Variants in NF1 observed in about 807,000 individuals in gnomAD.
The protein encoded by NF1 is neurofibromin.
A neutral mutation model predicts 325.7 loss-of-function variants in NF1; 122 were observed. The ratio of observed to expected loss-of-function variants is 0.37; its 90% CI spans 0.32 to 0.44. NF1 has a LOEUF of 0.44. Among genes scored for constraint, NF1 ranks in the 20% least tolerant of loss-of-function variants. The pLI is 1.00. For missense variants in NF1, 2,140 were observed against 3,415.4 expected (o/e 0.63, Z 9.31); for synonymous variants, 1,091 against 1,186.0 (o/e 0.92, Z 1.65).
chr17:31,201,578 A>G, intron 11 of NF1, 93 bp downstream of exon 11: 1 of 925,000 alleles, frequency 1.1e-6, no homozygotes, highest in Non-Finnish European at 1.8e-6. Flanking sequence ...CTTGGTTTTC[A>G]AAAAGGTTCT....
chr17:31,232,595 C>A, intron 25 of NF1, 105 bp from the exon 26 acceptor site: 1 of 1,094,432 alleles, frequency 9.1e-7, no homozygotes, highest in Non-Finnish European at 1.4e-6. Flanking sequence ...AACAGTTAAC[C>A]CAGGGCCATT....
chr17:31,244,697 G>A (rs565479026), intron 29 of NF1, among the ~76,000 whole-genome samples: 1 of 152,238 alleles, frequency 6.6e-6, no homozygotes, highest in South Asian at 2.1e-4. Flanking sequence ...GTGAAGGAAG[G>A]GTGGTATAGG....
intron 1 of NF1, among the ~76,000 whole-genome samples, chr17:31,111,727 A>G (rs761204237): frequency 2.0e-5 from 3 of 152,226 alleles, no homozygotes; most frequent in Non-Finnish European, 4.4e-5. Context: ...TATGACCAGC[A>G]GACCTGCACT....
chr17:31,115,700 T>G (rs1913839794), intron 1 of NF1, among the ~76,000 whole-genome samples: 2 of 152,156 alleles, frequency 1.3e-5, no homozygotes. Flanking sequence ...TAACCCTTTT[T>G]CTGTGAAATG....
chr17:31,325,563 T>C (rs2069319681), intron 36 of NF1, among the ~76,000 whole-genome samples: 1 of 152,224 alleles, frequency 6.6e-6, no homozygotes, highest in Non-Finnish European at 1.5e-5. Context: ...ACTGTTTTCT[T>C]CCTTTCTTGA....
At chr17:31,196,496 T>C (rs2143852711) in intron 8 of NF1, among the ~76,000 whole-genome samples, 1 of 152,350 alleles carries the variant, frequency 6.6e-6, no homozygotes, top group South Asian at 2.1e-4. Flanking sequence ...TTGTTTCATC[T>C]TCTTGATAGT....
intron 8 of NF1, among the ~76,000 whole-genome samples, chr17:31,184,124 C>A (rs1426789299): frequency 6.6e-6 from 1 of 152,034 alleles, no homozygotes. Flanking sequence ...TGATTAGACC[C>A]TAAAATATTA....
intron 33 of NF1, 80 bp from the exon 34 acceptor site, chr17:31,260,289 T>TTA: frequency 7.0e-7 from 1 of 1,432,988 alleles, no homozygotes; most frequent in South Asian, 1.2e-5. Context: ...CTTCACAAAG[T>TTA]TACTTCTTAT....
chr17:31,211,964 A>G (rs2094701848), intron 12 of NF1, among the ~76,000 whole-genome samples: 1 of 152,170 alleles, frequency 6.6e-6, no homozygotes. Context: ...CTTAAGCTAT[A>G]TCAAATTTAT....
chr17:31,239,617 C>G (rs1412512423), intron 29 of NF1, among the ~76,000 whole-genome samples: 1 of 151,732 alleles, frequency 6.6e-6, no homozygotes, highest in Admixed American at 6.6e-5. Context: ...AAAGCTAGAT[C>G]TTTTTATTTT....
At chr17:31,214,635 G>C in intron 13 of NF1, 50 bp downstream of exon 13, 1 of 1,585,744 alleles carries the variant, frequency 6.3e-7, no homozygotes, top group Non-Finnish European at 8.6e-7. Flanking sequence ...TAAGTTAATT[G>C]GGTTTAGCTG....
At chr17:31,236,751 C>T (rs753199686) in intron 29 of NF1, among the ~76,000 whole-genome samples, 30 of 151,906 alleles carry the variant, frequency 2.0e-4, no homozygotes, top group Non-Finnish European at 3.2e-4. Flanking sequence ...ATGCCCAGCC[C>T]AGAGTGCAGT....
At chr17:31,127,086 T>G (rs984602122) in intron 1 of NF1, among the ~76,000 whole-genome samples, 7 of 149,984 alleles carry the variant, frequency 4.7e-5, no homozygotes, top group Non-Finnish European at 1.0e-4. Flanking sequence ...CTTGCTTGGG[T>G]GAATATTAAG....
chr17:31,365,108 A>G (rs1474139857), intron 57 of NF1, among the ~76,000 whole-genome samples: 1 of 151,936 alleles, frequency 6.6e-6, no homozygotes, highest in East Asian at 1.9e-4. Flanking sequence ...CAACATGACG[A>G]AATCCCATCT....
In NF1 at chr17:31,154,732, CTTTTTTT is replaced by C. The variant is rs71142026; in HGVS notation, c.61-1235_61-1229del. ...CCCCGCCAATTTCATTTAGTATTTC[CTTTTTTT>C]TTTTTTTTTTTTTTTATTTGAGATG... On this transcript the variant is annotated intron_variant, in intron 1 of 57. Coordinates refer to ENST00000358273, the MANE Select transcript of NF1 (RefSeq NM_001042492.3). Among the ~76,000 whole-genome samples the C allele has an allele frequency of 6.8e-5, 7 of 103,404 alleles. No individual in the cohort carries two copies. The East Asian group carries it at 9.9e-4, about 15-fold the overall frequency. 67.8% of individuals were successfully genotyped at this position (103,404 alleles called of 152,430 possible).
intron 36 of NF1, chr17:31,318,864 C>CTTG: frequency 6.2e-7 from 1 of 1,613,992 alleles, no homozygotes; most frequent in South Asian, 1.1e-5. Flanking sequence ...TTCTGCCTGT[C>CTTG]TTGTTTTGAA....
intron 14 of NF1, chr17:31,219,373 C>A (rs938620204): frequency 1.0e-4 from 20 of 196,036 alleles, no homozygotes; most frequent in Non-Finnish European, 1.8e-4. Flanking sequence ...TTGCAGTTGA[C>A]TTTAAAATTT....
At chr17:31,102,828 G>C (rs368725384) in intron 1 of NF1, among the ~76,000 whole-genome samples, 13 of 150,794 alleles carry the variant, frequency 8.6e-5, no homozygotes, top group African/African-American at 2.9e-4. Flanking sequence ...CCATTGACAA[G>C]TTCTCTTTTT....
chr17:31,209,226 G>A (rs1333932986), intron 12 of NF1, among the ~76,000 whole-genome samples: 3 of 152,202 alleles, frequency 2.0e-5, no homozygotes. Context: ...GTATTACAGA[G>A]TATGTTCAGT....
Sources: gnomAD v4.1 joint callset for allele counts (sites outside exome capture counted in the v4.1 genomes callset) on GRCh38, gnomAD v4.1.1 for gene constraint, MANE v1.5 for transcripts, NCBI Gene and HGNC (gene_info 2026-07-23, HGNC 2026-07-21) for gene names.